ADCY8: variants seen among roughly 807,000 people sequenced by gnomAD.
ADCY8 encodes the protein adenylate cyclase 8.
A neutral mutation model predicts 119.7 loss-of-function variants in ADCY8; 51 were observed. The ratio of observed to expected loss-of-function variants is 0.43; its 90% confidence interval spans 0.34 to 0.54. The LOEUF (loss-of-function observed/expected upper bound fraction) is 0.54, where lower values mean the gene tolerates loss of function less well. Ranked by LOEUF, ADCY8 falls within the 20% of genes least tolerant of loss-of-function variation. The pLI, the probability that ADCY8 is intolerant of heterozygous loss-of-function variation, is 0.03. For synonymous variants in ADCY8, 665 were observed against 651.0 expected (o/e 1.02, Z -0.33); for missense variants, 1,383 against 1,598.8 (o/e 0.87, Z 2.30).
At chr8:130,862,353 C>T (rs1319415751) in intron 9 of ADCY8, among the ~76,000 whole-genome samples, 1 of 152,056 alleles carries the variant, frequency 6.6e-6, no homozygotes, top group Non-Finnish European at 1.5e-5. Flanking sequence ...CTAAGCACTG[C>T]TTTCATGGCA....
chr8:130,909,712 G>A lies in ADCY8; in HGVS notation c.1636C>T (p.Pro546Ser), dbSNP rs1023960046. Residue 546 changes from proline (P) to serine (S), a missense_variant, in exon 6 of 18, where the codon CCT (proline) becomes TCT (serine). Coordinates refer to ENST00000286355, the MANE Select transcript of ADCY8 (RefSeq NM_001115.3). Reference sequence around the variant, plus strand: ...AAGGGCTTTGCTTTATCTTACCCAGGGATTCCTCCAGATTCGAGTTTGTTT... The same window carrying A: ...AAGGGCTTTGCTTTATCTTACCCAGAGATTCCTCCAGATTCGAGTTTGTTT... Reference protein sequence around the residue: ...IANKLESGGIPGRIHISKATL... With the variant: ...IANKLESGGISGRIHISKATL... 1 of 1,613,886 alleles carries A rather than the reference G, an allele frequency of 6.2e-7. No individual in the cohort carries two copies. Among genetic ancestry groups the A allele is most frequent in the Non-Finnish European group, 8.5e-7 (1 of 1,179,962 alleles).
intron 9 of ADCY8, among the ~76,000 whole-genome samples, chr8:130,855,276 C>T (rs187496719): frequency 6.6e-5 from 10 of 152,144 alleles, no homozygotes; most frequent in Admixed American, 6.5e-4. Flanking sequence ...AAGCATCAAA[C>T]AGAAACAAAA....
At chr8:130,882,460 A>G (rs938709940) in intron 8 of ADCY8, among the ~76,000 whole-genome samples, 12 of 152,148 alleles carry the variant, frequency 7.9e-5, no homozygotes, top group African/African-American at 2.7e-4. Flanking sequence ...AAAGTTTGAC[A>G]AAAGGAAAAT....
At position 131,039,321 on chromosome 8, in the gene ADCY8, C is replaced by A. The variant is rs78211074; in HGVS notation, c.960+53G>T. On this transcript the variant is annotated intron_variant, in intron 1 of 17. Transcript: ENST00000286355. ...CCTGGCTCTCTGGAAGCTATATGAT[C>A]AATAACCCGGGGAAGTTAGAGGGGA... 3,870 of 1,588,822 alleles carry A rather than the reference C, an allele frequency of 2.4e-3. 78 individuals carry two copies. In the African/African-American group the frequency reaches 0.046, roughly 19 times the overall value.
intron 1 of ADCY8, among the ~76,000 whole-genome samples, chr8:131,011,910 C>T (rs530784434): frequency 2.4e-4 from 36 of 152,102 alleles, no homozygotes; most frequent in Non-Finnish European, 4.6e-4. Context: ...CCCTCCAGGA[C>T]ATAGTGGACA....
intron 5 of ADCY8, among the ~76,000 whole-genome samples, chr8:130,912,688 A>G (rs1188479798): frequency 6.6e-6 from 1 of 152,212 alleles, no homozygotes; most frequent in African/African-American, 2.4e-5. Flanking sequence ...TAAATTAGAC[A>G]TTAGGCAGGC....
At chr8:130,851,315 T>A (rs994723405) in intron 9 of ADCY8, among the ~76,000 whole-genome samples, 2 of 151,894 alleles carry the variant, frequency 1.3e-5, no homozygotes, top group Non-Finnish European at 2.9e-5. Flanking sequence ...TAAACAAACA[T>A]CAACTGAAAA....
At chr8:130,899,053 G>T (rs1045665903) in intron 7 of ADCY8, among the ~76,000 whole-genome samples, 2 of 152,144 alleles carry the variant, frequency 1.3e-5, no homozygotes, top group Non-Finnish European at 2.9e-5. Context: ...CTATGCTCTA[G>T]CCACTTGGGA....
At chr8:131,033,012 C>A (rs1273051678) in intron 1 of ADCY8, among the ~76,000 whole-genome samples, 2 of 152,094 alleles carry the variant, frequency 1.3e-5, no homozygotes, top group Non-Finnish European at 2.9e-5. Flanking sequence ...TTAATTCTGC[C>A]CCAAAGAGAA....
chr8:130,797,302 C>T (rs948171645), intron 15 of ADCY8, among the ~76,000 whole-genome samples: 1 of 152,146 alleles, frequency 6.6e-6, no homozygotes, highest in African/African-American at 2.4e-5. Context: ...CAAGACAATT[C>T]TTCTTTCATT....
chr8:130,845,775 G>A (rs930785629), intron 11 of ADCY8, among the ~76,000 whole-genome samples: 1 of 152,002 alleles, frequency 6.6e-6, no homozygotes, highest in Non-Finnish European at 1.5e-5. Context: ...TAGGGACCAG[G>A]GAAGATAAAG....
intron 5 of ADCY8, among the ~76,000 whole-genome samples, chr8:130,929,684 C>T (rs1170809253): frequency 6.6e-6 from 1 of 152,104 alleles, no homozygotes; most frequent in East Asian, 1.9e-4. Context: ...CTGATGTTTC[C>T]TTATTGATTT....
chr8:130,925,741 TGTTTG>T (rs2130595670), intron 5 of ADCY8, among the ~76,000 whole-genome samples: 1 of 152,350 alleles, frequency 6.6e-6, no homozygotes, highest in African/African-American at 2.4e-5. Flanking sequence ...TCATGATAAA[TGTTTG>T]GTTTAATTAA....
chr8:130,915,485 C>T (rs1212413638), intron 5 of ADCY8, among the ~76,000 whole-genome samples: 1 of 152,154 alleles, frequency 6.6e-6, no homozygotes, highest in Non-Finnish European at 1.5e-5. Flanking sequence ...TGCATTAAAG[C>T]AGGCCCGGAT....
At chr8:131,039,278 TAAAG>T in intron 1 of ADCY8, 92 bp downstream of exon 1, 1 of 1,529,938 alleles carries the variant, frequency 6.5e-7, no homozygotes, top group Non-Finnish European at 8.9e-7. Flanking sequence ...GGCGGAGACT[TAAAG>T]AGAGTGAGGC....
chr8:130,921,141 T>A (rs1407798253), intron 5 of ADCY8, among the ~76,000 whole-genome samples: 2 of 152,250 alleles, frequency 1.3e-5, no homozygotes, highest in Admixed American at 1.3e-4. Context: ...TATACATGAT[T>A]ATTCCCAAAT....
intron 12 of ADCY8, among the ~76,000 whole-genome samples, chr8:130,833,705 A>G (rs1222570348): frequency 6.6e-6 from 1 of 152,192 alleles, no homozygotes; most frequent in Non-Finnish European, 1.5e-5. Flanking sequence ...TGGCCAACTG[A>G]GCTGACTAAT....
At chr8:130,954,954 C>T (rs67177348) in intron 2 of ADCY8, among the ~76,000 whole-genome samples, 7,267 of 152,182 alleles carry the variant, frequency 0.048, 192 homozygotes, top group Non-Finnish European at 0.055. Context: ...AGATGAGGGA[C>T]GAGTTTCTAA....
At chr8:130,790,566 TA>T (rs1815394105) in intron 15 of ADCY8, among the ~76,000 whole-genome samples, 1 of 152,238 alleles carries the variant, frequency 6.6e-6, no homozygotes, top group South Asian at 2.1e-4. Flanking sequence ...GCTGAGACTT[TA>T]ACCTGGAGTT....
Sources: allele counts gnomAD v4.1 joint callset (sites outside exome capture counted in the v4.1 genomes callset), GRCh38; gene constraint gnomAD v4.1.1; transcripts MANE v1.5; gene names NCBI Gene and HGNC (gene_info 2026-07-23, HGNC 2026-07-21).